Variants in ADAMTSL1 observed in about 807,000 individuals in gnomAD.
The protein encoded by ADAMTSL1 is ADAMTS-like protein 1.
In ADAMTSL1, 126 loss-of-function variants were observed where a neutral mutation model predicts 201.8. The ratio of observed to expected loss-of-function variants is 0.62; its 90% confidence interval spans 0.54 to 0.72. The LOEUF is 0.72. ADAMTSL1 is among the 30% of genes least tolerant of loss of function. ADAMTSL1 has a pLI of 0.00. For synonymous variants in ADAMTSL1, 1,121 were observed against 903.4 expected, an observed-to-expected ratio of 1.24 and a Z score of -4.32; for missense variants, 2,679 against 2,277.8, an observed-to-expected ratio of 1.18 and a Z score of -3.59.
intron 20 of ADAMTSL1, among the ~76,000 whole-genome samples, chr9:18,811,012 C>CAAAA (rs76456235): frequency 7.8e-3 from 301 of 38,588 alleles, no homozygotes; most frequent in Middle Eastern, 0.026. Flanking sequence ...CAATGAGTAC[C>CAAAA]AAAAAAAAAA....
rs375988832 is a variant in ADAMTSL1, at chr9:18,234,443, ATGT to A, written c.207+70467_207+70469del. 4.5e-3 allele frequency among the ~76,000 whole-genome samples: 687 copies of A among 152,312 alleles called. 5 individuals carry two copies. Among genetic ancestry groups the A allele is most frequent in the Non-Finnish European group, 8.2e-3 (555 of 68,016 alleles). On this transcript the variant is annotated intron_variant, in intron 2 of 29. Transcript: ENST00000680146. ...TTCTGGTGTTCTAGATGCTGCTCTGATGTTGTTTAATACCTCCATGAAGCTTCG... is the reference window on the plus strand; with the variant it reads ...TTCTGGTGTTCTAGATGCTGCTCTGATGTTTAATACCTCCATGAAGCTTCG...
intron 2 of ADAMTSL1, among the ~76,000 whole-genome samples, chr9:18,359,570 C>T (rs186245067): frequency 3.3e-5 from 5 of 152,112 alleles, no homozygotes; most frequent in South Asian, 2.1e-4. Context: ...GCTTCCCATT[C>T]GGATATGACT....
intron 1 of ADAMTSL1, among the ~76,000 whole-genome samples, chr9:17,914,317 T>G (rs1278238078): frequency 5.9e-5 from 9 of 152,086 alleles, no homozygotes; most frequent in Admixed American, 5.9e-4. Context: ...AAAAAGCTTA[T>G]CCACCATGAT....
intron 1 of ADAMTSL1, among the ~76,000 whole-genome samples, chr9:18,154,464 G>A (rs1827061075): frequency 6.6e-6 from 1 of 152,058 alleles, no homozygotes; most frequent in Non-Finnish European, 1.5e-5. Flanking sequence ...GAACATCTGA[G>A]TCTGTGTGAA....
intron 1 of ADAMTSL1, among the ~76,000 whole-genome samples, chr9:18,100,665 T>C (rs756570459): frequency 4.6e-5 from 7 of 152,210 alleles, no homozygotes; most frequent in Non-Finnish European, 8.8e-5. Context: ...ATTCCACTCC[T>C]AGTAGTTTCT....
At chr9:18,263,434 C>T (rs1438620272) in intron 2 of ADAMTSL1, among the ~76,000 whole-genome samples, 1 of 152,154 alleles carries the variant, frequency 6.6e-6, no homozygotes, top group African/African-American at 2.4e-5. Context: ...TGTGCCTCTT[C>T]AATGTTGGCG....
In ADAMTSL1 at chr9:17,997,276, A is replaced by G. The variant is rs531745705; in HGVS notation, c.87+90354A>G. 2.2e-4 allele frequency among the ~76,000 whole-genome samples: 33 copies of G among 152,230 alleles called. 1 individual carries two copies. Among genetic ancestry groups the G allele is most frequent in the African/African-American group, 7.7e-4 (32 of 41,566 alleles). ...TGGTTAAGAATCTTTCTTTCATTTA[A>G]TTGATATTGATATTAATTATAACAA... On this transcript the variant is annotated intron_variant, in intron 1 of 29. Transcript: ENST00000680146.
chr9:18,184,983 A>G (rs1828668259), intron 2 of ADAMTSL1, among the ~76,000 whole-genome samples: 1 of 152,110 alleles, frequency 6.6e-6, no homozygotes, highest in Non-Finnish European at 1.5e-5. Context: ...CACAGGTTGA[A>G]TCTCCCTTCT....
chr9:18,126,371 G>T (rs186764374), intron 1 of ADAMTSL1, among the ~76,000 whole-genome samples: 1 of 152,164 alleles, frequency 6.6e-6, no homozygotes, highest in African/African-American at 2.4e-5. Flanking sequence ...TTAAGATTTA[G>T]TTCCAGTATT....
intron 2 of ADAMTSL1, among the ~76,000 whole-genome samples, chr9:18,299,536 A>G (rs1409398148): frequency 6.6e-6 from 1 of 152,198 alleles, no homozygotes; most frequent in Non-Finnish European, 1.5e-5. Context: ...GATCTCAGGG[A>G]GAGAACACAA....
At chr9:18,362,581 A>T (rs1478519804) in intron 2 of ADAMTSL1, among the ~76,000 whole-genome samples, 1 of 152,210 alleles carries the variant, frequency 6.6e-6, no homozygotes, top group Admixed American at 6.5e-5. Context: ...CATAAGATGA[A>T]ATGTATAGAT....
chr9:18,308,826 A>C (rs1412227354), intron 2 of ADAMTSL1, among the ~76,000 whole-genome samples: 1 of 152,168 alleles, frequency 6.6e-6, no homozygotes, highest in African/African-American at 2.4e-5. Flanking sequence ...ATCCTCCCTA[A>C]CTCATTTTAT....
chr9:17,935,794 C>G (rs1456366424), intron 1 of ADAMTSL1, among the ~76,000 whole-genome samples: 1 of 152,212 alleles, frequency 6.6e-6, no homozygotes, highest in Non-Finnish European at 1.5e-5. Context: ...AAGTGCTTTA[C>G]ACTGGTCTCA....
At chr9:17,939,959 G>A (rs1030602850) in intron 1 of ADAMTSL1, among the ~76,000 whole-genome samples, 2 of 152,098 alleles carry the variant, frequency 1.3e-5, no homozygotes, top group Non-Finnish European at 2.9e-5. Context: ...GGCTGAGTGA[G>A]GTAATAGGGA....
intron 2 of ADAMTSL1, among the ~76,000 whole-genome samples, chr9:18,410,109 T>A (rs1442258434): frequency 6.6e-6 from 1 of 152,032 alleles, no homozygotes; most frequent in Non-Finnish European, 1.5e-5. Context: ...TATCCTTAGT[T>A]TAAATATTTT....
intron 2 of ADAMTSL1, among the ~76,000 whole-genome samples, chr9:18,212,282 A>T (rs1829905073): frequency 6.6e-6 from 1 of 152,168 alleles, no homozygotes; most frequent in Non-Finnish European, 1.5e-5. Flanking sequence ...AGGAAGATTG[A>T]CGTGTTTATG....
At chr9:17,921,515 A>AC (rs1309575333) in intron 1 of ADAMTSL1, among the ~76,000 whole-genome samples, 8 of 152,156 alleles carry the variant, frequency 5.3e-5, no homozygotes, top group African/African-American at 1.9e-4. Context: ...ATGGTGTTCA[A>AC]CCTGCCATGT....
At chr9:18,076,552 A>T (rs2131752654) in intron 1 of ADAMTSL1, among the ~76,000 whole-genome samples, 1 of 152,320 alleles carries the variant, frequency 6.6e-6, no homozygotes, top group South Asian at 2.1e-4. Context: ...GACATTAGGA[A>T]GCTGTCTTGA....
At chr9:18,156,855 G>C (rs367741064) in intron 1 of ADAMTSL1, among the ~76,000 whole-genome samples, 1 of 152,062 alleles carries the variant, frequency 6.6e-6, no homozygotes, top group Non-Finnish European at 1.5e-5. Flanking sequence ...GAACTCTTTG[G>C]AAACAGAATC....
Sources: gnomAD v4.1 joint callset for allele counts (sites outside exome capture counted in the v4.1 genomes callset) on GRCh38, gnomAD v4.1.1 for gene constraint, MANE v1.5 for transcripts, NCBI Gene and HGNC (gene_info 2026-07-23, HGNC 2026-07-21) for gene names.